Variants in WSB2 observed in about 807,000 individuals in gnomAD.
The protein encoded by WSB2 is WD repeat and SOCS box-containing protein 2.
In WSB2, 12 loss-of-function variants were observed where a neutral mutation model predicts 48.8. That is an observed-to-expected ratio of 0.25 (90% CI 0.16 to 0.40). The LOEUF (loss-of-function observed/expected upper bound fraction) is 0.40, where lower values mean the gene tolerates loss of function less well. Among genes scored for constraint, WSB2 ranks in the 10% least tolerant of loss-of-function variants. The pLI is 1.00. For synonymous variants in WSB2, 191 were observed against 203.1 expected (o/e 0.94, Z 0.51); for missense variants, 317 against 506.2 (o/e 0.63, Z 3.59).
intron 2 of WSB2, among the ~76,000 whole-genome samples, chr12:118,050,314 A>G (rs947561235): frequency 2.0e-5 from 3 of 152,234 alleles, no homozygotes; most frequent in African/African-American, 4.8e-5. Flanking sequence ...GCATTCTGAC[A>G]CTGGGGCTTG....
In WSB2 at chr12:118,033,995, T is replaced by C; in HGVS notation, c.*201A>G. On this transcript the variant is annotated 3_prime_UTR_variant, in exon 9 of 9. Transcript: ENST00000315436. The stretch of plus-strand genomic sequence containing the variant: ...TCTGTTGCCGTGCAAGTGGAATCTC[T>C]TCCTCTAAGACTGACTTTCACATGC... 3.0e-6 allele frequency: 2 copies of C among 673,010 alleles called. No homozygotes were observed. Among genetic ancestry groups the C allele is most frequent in the Non-Finnish European group, 2.5e-6 (1 of 405,110 alleles). The allele number at this position is 673,010 out of a possible 1,614,324, so 41.7% of individuals were successfully genotyped here.
chr12:118,043,505 C>T, intron 2 of WSB2, 128 bp from the exon 3 acceptor site: 2 of 1,401,634 alleles, frequency 1.4e-6, no homozygotes, highest in Non-Finnish European at 1.9e-6. Flanking sequence ...CGTACAGTGA[C>T]ACAATCATGG....
chr12:118,051,665 A>C (rs1267584378), intron 2 of WSB2, among the ~76,000 whole-genome samples: 1 of 152,196 alleles, frequency 6.6e-6, no homozygotes, highest in Non-Finnish European at 1.5e-5. Context: ...GGAAATAAAG[A>C]TATTCTAAAA....
At position 118,060,080 on chromosome 12, in the gene WSB2, A is replaced by T. The variant is rs949476770; in HGVS notation, c.13+956T>A. Reference sequence around the variant, plus strand: ...TGAAAATTTCTCCTAAGGAAATTACATTTAAACTCGGGTCCTTCAAGACCT... The same window carrying T: ...TGAAAATTTCTCCTAAGGAAATTACTTTTAAACTCGGGTCCTTCAAGACCT... On this transcript the variant is annotated intron_variant, in intron 1 of 8. Transcript: ENST00000315436. This position sits in a 1 kb window ranked among gnomAD's most constrained non-coding sequence, Gnocchi z 4.1. Among the ~76,000 whole-genome samples the T allele has an allele frequency of 2.6e-5, 4 of 152,304 alleles. No individual in the cohort carries two copies. Among genetic ancestry groups the T allele is most frequent in the African/African-American group, 4.8e-5 (2 of 41,576 alleles).
rs1416822432 is a variant in WSB2, at chr12:118,038,327, T to C, written c.621A>G (p.Pro207=). 1 of 1,614,154 alleles carries C rather than the reference T, an allele frequency of 6.2e-7. No homozygotes were observed. Among genetic ancestry groups the C allele is most frequent in the African/African-American group, 1.3e-5 (1 of 75,042 alleles). Reference sequence around the variant, plus strand: ...CTGCAGAGCACAGCATGCTGCAGTCTGGGGAGATGGAACAGCAGTAAACCC... The same window carrying C: ...CTGCAGAGCACAGCATGCTGCAGTCCGGGGAGATGGAACAGCAGTAAACCC... The part of the protein sequence containing the change: ...LQWVYCCSIS[P]DCSMLCSAAG... The change falls in exon 5 of 9, where the codon CCA becomes CCG. Residue 207 remains proline (P), a synonymous_variant. Coordinates refer to ENST00000315436, the MANE Select transcript of WSB2 (RefSeq NM_018639.5).
At chr12:118,044,113 CTA>C (rs2031698518) in intron 2 of WSB2, among the ~76,000 whole-genome samples, 1 of 151,626 alleles carries the variant, frequency 6.6e-6, no homozygotes, top group Non-Finnish European at 1.5e-5. Context: ...AGGCAAAACT[CTA>C]TCTCAAAAAA....
intron 6 of WSB2, 176 bp downstream of exon 6, chr12:118,036,162 A>T: frequency 1.4e-6 from 1 of 719,780 alleles, no homozygotes; most frequent in Non-Finnish European, 2.2e-6. Flanking sequence ...AGATTGCGCC[A>T]CTGCACTCCA....
chr12:118,052,217 T>C (rs1008203208), intron 2 of WSB2, 93 bp downstream of exon 2: 16 of 1,498,624 alleles, frequency 1.1e-5, no homozygotes, highest in Middle Eastern at 1.9e-4. Flanking sequence ...ATGAGCCACC[T>C]TCCCTCTCTC....
chr12:118,054,917 G>A (rs1202144780), intron 1 of WSB2, among the ~76,000 whole-genome samples: 2 of 150,038 alleles, frequency 1.3e-5, no homozygotes, highest in African/African-American at 4.9e-5. Flanking sequence ...GGTGGCTCAC[G>A]CCTATAATCC....
chr12:118,061,235 A>C, upstream of WSB2: 3 of 954,856 alleles, frequency 3.1e-6, no homozygotes, highest in Non-Finnish European at 3.7e-6. Flanking sequence ...GCGCAGGGGA[A>C]ACGGAGGGGG....
intron 1 of WSB2, among the ~76,000 whole-genome samples, chr12:118,055,607 C>CTTT (rs748354611): frequency 0.014 from 1,139 of 81,752 alleles, 46 homozygotes; most frequent in East Asian, 0.042. Flanking sequence ...CTACATTATC[C>CTTT]TTTTTTTTTT....
intron 3 of WSB2, 80 bp from the exon 4 acceptor site, chr12:118,043,052 C>T (rs1455327340): frequency 3.4e-5 from 55 of 1,613,378 alleles, no homozygotes; most frequent in Non-Finnish European, 4.2e-5. Flanking sequence ...CCTTGGCCAA[C>T]GTGAGTGGGG....
Position 118,043,109 on chromosome 12 carries a change from T to A in WSB2, c.427+24A>T, listed in dbSNP as rs528801553. The A allele has an allele frequency of 3.1e-6, 5 of 1,614,160 alleles. No individual in the cohort carries two copies. The East Asian group carries it at 1.1e-4, about 36-fold the overall frequency. ...ACATGCACCCGAGCCTCCCAGAACC[T>A]TGTGCCAGCCAGGAATGACCTACCT... On this transcript the variant is annotated intron_variant, in intron 3 of 8. Transcript: ENST00000315436.
chr12:118,034,388 CAG>C (rs1216890625), intron 8 of WSB2, 30 bp from the exon 9 acceptor site: 2 of 1,610,416 alleles, frequency 1.2e-6, no homozygotes, highest in East Asian at 2.2e-5. Flanking sequence ...GATGCTAAGA[CAG>C]AGCTTGGATG....
intron 2 of WSB2, among the ~76,000 whole-genome samples, chr12:118,047,051 C>T (rs1236503864): frequency 6.6e-6 from 1 of 152,150 alleles, no homozygotes; most frequent in East Asian, 1.9e-4. Flanking sequence ...AGATTACAGG[C>T]GTGTGACACC....
chr12:118,041,908 C>G (rs970941176), intron 4 of WSB2, among the ~76,000 whole-genome samples: 1 of 152,052 alleles, frequency 6.6e-6, no homozygotes, highest in South Asian at 2.1e-4. Context: ...GCGCCCACCA[C>G]CACGCCCAGC....
intron 4 of WSB2, among the ~76,000 whole-genome samples, chr12:118,038,729 A>G (rs927786976): frequency 2.6e-5 from 4 of 152,112 alleles, no homozygotes; most frequent in African/African-American, 9.7e-5. Flanking sequence ...CTCCCAGACT[A>G]GAATACAGTG....
chr12:118,051,087 G>T (rs371896890), intron 2 of WSB2, among the ~76,000 whole-genome samples: 4 of 151,774 alleles, frequency 2.6e-5, no homozygotes, highest in Non-Finnish European at 4.4e-5. Flanking sequence ...AAGAAAAGAC[G>T]CTTGACATCC....
chr12:118,045,364 C>CAAA (rs556626593), intron 2 of WSB2, among the ~76,000 whole-genome samples: 2,051 of 129,628 alleles, frequency 0.016, 33 homozygotes, highest in Middle Eastern at 0.085. Flanking sequence ...GACTCCATCT[C>CAAA]AAAAAAAAAA....
Sources: allele counts gnomAD v4.1 joint callset (sites outside exome capture counted in the v4.1 genomes callset), GRCh38; gene constraint gnomAD v4.1.1; non-coding constraint Gnocchi (gnomAD v3.1); transcripts MANE v1.5; gene names NCBI Gene and HGNC (gene_info 2026-07-23, HGNC 2026-07-21).